RGMA: variants seen among roughly 807,000 people sequenced by gnomAD.
The protein encoded by RGMA is repulsive guidance molecule A.
A neutral mutation model predicts 23.2 loss-of-function variants in RGMA; 10 were observed. The observed-to-expected ratio is 0.43, with a 90% CI of 0.27 to 0.73. The LOEUF (loss-of-function observed/expected upper bound fraction) is 0.73. Ranked by LOEUF, RGMA falls within the 30% of genes least tolerant of loss-of-function variation. The pLI is 0.20. For missense variants in RGMA, 547 were observed against 630.5 expected (o/e 0.87, Z 1.42); for synonymous variants, 308 against 279.3 (o/e 1.10, Z -1.03).
chr15:93,080,034 TATTCTTGGTAATTAAGACATA>T (rs1396116062), intron 1 of RGMA, among the ~76,000 whole-genome samples: 2 of 152,056 alleles, frequency 1.3e-5, no homozygotes, highest in South Asian at 4.2e-4. Flanking sequence ...CAGAGACTCT[TATTCTTGGTAATTAAGACATA>T]ATTACCAAGA....
In RGMA at chr15:93,052,358, G is replaced by A. The variant is rs1384276561; in HGVS notation, c.280C>T (p.Arg94Trp). 5 of 1,600,774 alleles carry A rather than the reference G, an allele frequency of 3.1e-6. No individual in the cohort carries two copies. Among genetic ancestry groups the A allele is most frequent in the Non-Finnish European group, 4.2e-6 (5 of 1,179,422 alleles). ...GCCGAGTGGTAGGCCAGGTCACCCC[G>A]GCAGGTGCGGGCCGTCCGCCGCGTG... is the stretch of plus-strand genomic sequence containing the variant. The part of the protein sequence containing the change: ...LCTRRTARTC[R>W]GDLAYHSAVH... Residue 94 changes from arginine (R) to tryptophan (W), a missense_variant, in exon 3 of 4, where the codon CGG becomes TGG. Arg to Trp is a moderately radical substitution (Grantham distance 101). Around this residue, in one of 3 missense-constraint regions of RGMA, gnomAD observed 214 missense variants for 234.7 expected, o/e 0.91. Transcript: ENST00000329082.
intron 2 of RGMA, among the ~76,000 whole-genome samples, chr15:93,071,664 G>A (rs572016102): frequency 2.0e-5 from 3 of 152,334 alleles, no homozygotes; most frequent in Non-Finnish European, 2.9e-5. Context: ...TGCGTGGTCC[G>A]CCCATTGGGA....
intron 2 of RGMA, among the ~76,000 whole-genome samples, chr15:93,055,471 A>G (rs2054998733): frequency 6.6e-6 from 1 of 152,190 alleles, no homozygotes; most frequent in Admixed American, 6.5e-5. Flanking sequence ...CTCAGGGGAA[A>G]GCCGGGCTCT....
At chr15:93,066,874 C>T (rs561283521) in intron 2 of RGMA, among the ~76,000 whole-genome samples, 1 of 152,308 alleles carries the variant, frequency 6.6e-6, no homozygotes, top group African/African-American at 2.4e-5. Flanking sequence ...GGGCAGGAGT[C>T]TGGGTTCTAC....
At position 93,060,546 on chromosome 15, in the gene RGMA, G is replaced by A. The variant is rs142462462; in HGVS notation, c.131-8039C>T. ...AGTGGCTCCCAGACCCGATGGGGGCGGGGTGGGCCCTTGGTGCTCAGCTTG... is the reference window on the plus strand; with the variant it reads ...AGTGGCTCCCAGACCCGATGGGGGCAGGGTGGGCCCTTGGTGCTCAGCTTG... On this transcript the variant is annotated intron_variant, in intron 2 of 3. Coordinates refer to ENST00000329082, the MANE Select transcript of RGMA (RefSeq NM_020211.3). Among the ~76,000 whole-genome samples, 64 of 152,348 alleles carry A rather than the reference G, an allele frequency of 4.2e-4. 1 individual carries two copies. The highest frequency in any genetic ancestry group is 1.3e-3 in the African/African-American group (56 of 41,580).
At chr15:93,065,563 T>C in intron 2 of RGMA, 2 of 712,312 alleles carry the variant, frequency 2.8e-6, no homozygotes, top group Non-Finnish European at 5.1e-6. Flanking sequence ...ATGGCAGCTC[T>C]GGGTGTCCTT....
chr15:93,044,795 CATCAT>C lies in RGMA; in HGVS notation c.*198_*202del. On this transcript the variant is annotated 3_prime_UTR_variant, in exon 4 of 4. Coordinates refer to ENST00000329082, the MANE Select transcript of RGMA (RefSeq NM_020211.3). The stretch of plus-strand genomic sequence containing the variant: ...CCTCTCACACAGCTCTACTGTCAAA[CATCAT>C]GGCACCAGTCACCACAACCTTGTCA... The C allele has an allele frequency of 1.7e-6, 1 of 598,320 alleles. No individual in the cohort carries two copies. The highest frequency in any genetic ancestry group is 3.0e-6 in the Non-Finnish European group (1 of 336,332). 37.1% of individuals were successfully genotyped at this position (598,320 alleles called of 1,614,324 possible).
intron 2 of RGMA, chr15:93,066,423 C>T (rs896158779): frequency 6.2e-5 from 40 of 647,904 alleles, no homozygotes; most frequent in Non-Finnish European, 8.9e-5. Flanking sequence ...TTTCCAAGGC[C>T]GCCGTCGTTG....
intron 1 of RGMA, chr15:93,088,148 G>T: frequency 4.9e-6 from 3 of 612,262 alleles, no homozygotes; most frequent in Non-Finnish European, 6.1e-6. Context: ...ATCTCAATTT[G>T]GGAGAACTGA....
chr15:93,076,310 G>A (rs1307107309), intron 1 of RGMA, among the ~76,000 whole-genome samples: 5 of 142,822 alleles, frequency 3.5e-5, no homozygotes, highest in Admixed American at 2.0e-4. Context: ...GGGGAAAGGG[G>A]TCAAGGGGCT....
At chr15:93,072,400 C>T (rs970838867) in intron 2 of RGMA, among the ~76,000 whole-genome samples, 3 of 152,200 alleles carry the variant, frequency 2.0e-5, no homozygotes, top group Non-Finnish European at 4.4e-5. Context: ...GAGCCGAGTC[C>T]GTGGGTGTCC....
chr15:93,068,824 A>G (rs1450306834), intron 2 of RGMA, among the ~76,000 whole-genome samples: 1 of 152,218 alleles, frequency 6.6e-6, no homozygotes, highest in African/African-American at 2.4e-5. Context: ...GAATGGGATT[A>G]GTGCTCTTAT....
At chr15:93,073,870 T>C (rs1895422282) in intron 1 of RGMA, 14 of 1,467,222 alleles carry the variant, frequency 9.5e-6, no homozygotes, top group Non-Finnish European at 9.9e-6. Context: ...CCTTGCCACC[T>C]TGGCACAGCT....
intron 1 of RGMA, among the ~76,000 whole-genome samples, chr15:93,078,078 G>A (rs1895501828): frequency 6.6e-6 from 1 of 152,092 alleles, no homozygotes; most frequent in East Asian, 1.9e-4. Flanking sequence ...ACTTTATTTA[G>A]GCTAAGCCTC....
intron 3 of RGMA, among the ~76,000 whole-genome samples, chr15:93,048,705 G>T (rs542916828): frequency 1.3e-5 from 2 of 152,112 alleles, no homozygotes; most frequent in African/African-American, 4.8e-5. Context: ...CTATGGAAAC[G>T]GCAACTTCAT....
intron 2 of RGMA, chr15:93,066,418 A>G (rs529004342): frequency 3.0e-6 from 2 of 656,208 alleles, no homozygotes; most frequent in East Asian, 7.0e-5. Context: ...GGGGGTTTCC[A>G]AGGCCGCCGT....
chr15:93,046,797 G>A (rs779082166), intron 3 of RGMA, among the ~76,000 whole-genome samples: 9 of 150,560 alleles, frequency 6.0e-5, no homozygotes, highest in South Asian at 2.1e-4. Context: ...CAGGCTGAAC[G>A]GGCAGCCTTG....
Position 93,044,628 on chromosome 15 carries a change from C to A in RGMA, c.*370G>T, listed in dbSNP as rs2054783103. ...CCACGGATCGGCGAGCAGCAGTCGG[C>A]CGGGCCTTTCAGTGCATTGCGAGGG... is the stretch of plus-strand genomic sequence containing the variant. On this transcript the variant is annotated 3_prime_UTR_variant, in exon 4 of 4. Coordinates refer to ENST00000329082, the MANE Select transcript of RGMA (RefSeq NM_020211.3). 1 of 296,610 alleles carries A rather than the reference C, an allele frequency of 3.4e-6. No homozygotes were observed. Among genetic ancestry groups the A allele is most frequent in the African/African-American group, 2.2e-5 (1 of 46,236 alleles). The allele number at this position is 296,610 out of a possible 1,614,324, so 18.4% of individuals were successfully genotyped here.
chr15:93,038,569 G>GTTTTTTTTTTTTTTTTTTTTTGTT lies in RGMA; in HGVS notation c.*6428_*6429insAACAAAAAAAAAAAAAAAAAAAAA, dbSNP rs1185571787. On this transcript the variant is annotated 3_prime_UTR_variant, in exon 4 of 4. Coordinates refer to ENST00000329082, the MANE Select transcript of RGMA (RefSeq NM_020211.3). ...GCCTTAATGAACGAAACTGTTAGTT[G>GTTTTTTTTTTTTTTTTTTTTTGTT]TTTTTTTTTTTTTTTTGAGACGGTG... The GTTTTTTTTTTTTTTTTTTTTTGTT allele has an allele frequency of 2.0e-5, 2 of 100,224 alleles. No homozygotes were observed. The highest frequency in any genetic ancestry group is 1.1e-4 in the Admixed American group (1 of 9,210). The allele number at this position is 100,224 out of a possible 1,614,324, so 6.2% of individuals were successfully genotyped here. A position where few individuals can be genotyped will look rare whatever the true frequency, so the allele number is the denominator to read the frequency against.
Sources: allele counts gnomAD v4.1 joint callset (sites outside exome capture counted in the v4.1 genomes callset), GRCh38; gene constraint gnomAD v4.1.1; regional missense constraint gnomAD v4.1.1; transcripts MANE v1.5; gene names NCBI Gene and HGNC (gene_info 2026-07-23, HGNC 2026-07-21).